The following ZYG11B variants were observed in gnomAD, a reference collection of about 807,000 sequenced individuals.
ZYG11B encodes the protein zyg-11 family member B, cell cycle regulator.
In ZYG11B, 36 loss-of-function variants were observed where a neutral mutation model predicts 82.4. That is an observed-to-expected ratio of 0.44 (90% CI 0.33 to 0.58). ZYG11B has a LOEUF of 0.58. ZYG11B is among the 20% of genes least tolerant of loss of function. The pLI, the probability that ZYG11B is intolerant of heterozygous loss-of-function variation, is 0.02. For synonymous variants in ZYG11B, 303 were observed against 312.8 expected (o/e 0.97, Z 0.33); for missense variants, 552 against 895.6 (o/e 0.62, Z 4.90).
At chr1:52,801,493 T>C (rs1012674653) in intron 8 of ZYG11B, among the ~76,000 whole-genome samples, 7 of 152,132 alleles carry the variant, frequency 4.6e-5, no homozygotes, top group Non-Finnish European at 1.0e-4. Flanking sequence ...GCCCTTCTTT[T>C]CCTTTGCCTT....
At chr1:52,821,264 T>C (rs138820804) in intron 13 of ZYG11B, among the ~76,000 whole-genome samples, 175 bp from the exon 14 acceptor site, 24 of 152,196 alleles carry the variant, frequency 1.6e-4, no homozygotes, top group Non-Finnish European at 2.9e-4. Flanking sequence ...GGCCTTGCAC[T>C]GTAGACGTAA....
intron 2 of ZYG11B, among the ~76,000 whole-genome samples, chr1:52,761,561 C>T (rs979668117): frequency 6.6e-6 from 1 of 152,220 alleles, no homozygotes; most frequent in Admixed American, 6.5e-5. Context: ...TGTATGTACA[C>T]CACATGTTCT....
chr1:52,762,641 C>T (rs560690698), intron 2 of ZYG11B, among the ~76,000 whole-genome samples: 20 of 151,550 alleles, frequency 1.3e-4, no homozygotes, highest in East Asian at 3.9e-4. Context: ...AGTGCAGTGG[C>T]GCCGTTTCAG....
At chr1:52,769,748 C>G (rs947999941) in intron 2 of ZYG11B, among the ~76,000 whole-genome samples, 37 of 152,184 alleles carry the variant, frequency 2.4e-4, no homozygotes, top group African/African-American at 8.9e-4. Context: ...GGCTGGCAGC[C>G]TAGCTGCATT....
chr1:52,785,129 A>G (rs1412867185), intron 5 of ZYG11B, 76 bp downstream of exon 5: 5 of 1,470,030 alleles, frequency 3.4e-6, no homozygotes, highest in Non-Finnish European at 3.7e-6. Flanking sequence ...AGTTTAATAG[A>G]CCAAGGCTGG....
chr1:52,744,958 A>C (rs1476332386), intron 1 of ZYG11B, among the ~76,000 whole-genome samples: 3 of 152,222 alleles, frequency 2.0e-5, no homozygotes, highest in Non-Finnish European at 4.4e-5. Flanking sequence ...ATCAAATGAA[A>C]TCAGGATGTG....
intron 1 of ZYG11B, among the ~76,000 whole-genome samples, chr1:52,743,186 G>A (rs1295440598): frequency 6.6e-6 from 1 of 151,872 alleles, no homozygotes; most frequent in Non-Finnish European, 1.5e-5. Flanking sequence ...GTAGACGTAG[G>A]AGACTCCATT....
At chr1:52,777,038 C>T (rs1423369702) in intron 3 of ZYG11B, among the ~76,000 whole-genome samples, 5 of 151,908 alleles carry the variant, frequency 3.3e-5, no homozygotes, top group East Asian at 3.9e-4. Flanking sequence ...GACGAAATCC[C>T]GTCTCTACTA....
rs1435151717 is a variant in ZYG11B at position 52,803,153 on chromosome 1, TACAC to T, written c.1695+1016_1695+1019del. ...ATATATACACACATATATATATATA[TACAC>T]ATATATATATACACACATATATATA... On this transcript the variant is annotated intron_variant, in intron 10 of 13. Transcript: ENST00000294353. 2.2e-3 allele frequency among the ~76,000 whole-genome samples: 84 copies of T among 38,168 alleles called. 4 individuals carry two copies. Among genetic ancestry groups the T allele is most frequent in the African/African-American group, 0.011 (54 of 5,136 alleles). The allele number at this position is 38,168 out of a possible 152,430, so 25.0% of individuals were successfully genotyped here.
intron 10 of ZYG11B, among the ~76,000 whole-genome samples, chr1:52,807,926 G>A (rs1645154032): frequency 6.6e-6 from 1 of 152,172 alleles, no homozygotes; most frequent in Non-Finnish European, 1.5e-5. Flanking sequence ...CTTTTACCAG[G>A]TATATAATTC....
chr1:52,803,202 A>G (rs1445698389), intron 10 of ZYG11B, among the ~76,000 whole-genome samples: 1 of 82,968 alleles, frequency 1.2e-5, no homozygotes, highest in African/African-American at 1.0e-4. Flanking sequence ...ATATATATAT[A>G]TACACACACA....
rs1645203395 is a variant in ZYG11B, at chr1:52,813,921, T to C, written c.1946+9T>C. 1 of 1,612,902 alleles carries C rather than the reference T, an allele frequency of 6.2e-7. No individual in the cohort carries two copies. On this transcript the variant is annotated intron_variant, in intron 12 of 13. Coordinates refer to ENST00000294353, the MANE Select transcript of ZYG11B (RefSeq NM_024646.3). ...GAGATGGTAGCATACAGGTAATTAG[T>C]ATCATAATTAACAGTAAACCAGCAA...
rs201338350 is a variant in ZYG11B at position 52,789,961 on chromosome 1, T to C, written c.1270-42T>C. On this transcript the variant is annotated intron_variant, in intron 5 of 13. Transcript: ENST00000294353. Reference sequence around the variant, plus strand: ...CTACCATGGTTAAAATATAACAAAGTGATATTTTATTTAGGATTTTTTTCT... The same window carrying C: ...CTACCATGGTTAAAATATAACAAAGCGATATTTTATTTAGGATTTTTTTCT... 1,027 of 1,422,904 alleles carry C rather than the reference T, an allele frequency of 7.2e-4. 1 individual carries two copies. Among genetic ancestry groups the C allele is most frequent in the Non-Finnish European group, 9.0e-4 (934 of 1,038,156 alleles). 88.1% of individuals were successfully genotyped at this position (1,422,904 alleles called of 1,614,324 possible).
intron 5 of ZYG11B, among the ~76,000 whole-genome samples, chr1:52,786,142 T>C (rs1217911688): frequency 6.6e-6 from 1 of 152,220 alleles, no homozygotes; most frequent in Admixed American, 6.5e-5. Context: ...AGAGGATCAA[T>C]AATTCCAAGA....
intron 6 of ZYG11B, among the ~76,000 whole-genome samples, chr1:52,790,773 CTTT>C: frequency 1.3e-5 from 1 of 77,694 alleles, no homozygotes; most frequent in African/African-American, 5.2e-5. Flanking sequence ...GTCCAGTGTT[CTTT>C]TTTTTTTTTT....
At position 52,746,876 on chromosome 1, in the gene ZYG11B, G is replaced by GT. The variant is rs1406644636; in HGVS notation, c.31-9567dup. Among the ~76,000 whole-genome samples the GT allele has an allele frequency of 8.4e-3, 1,081 of 128,206 alleles. 10 individuals carry two copies. Among genetic ancestry groups the GT allele is most frequent in the African/African-American group, 0.026 (899 of 34,766 alleles). 84.1% of individuals were successfully genotyped at this position (128,206 alleles called of 152,430 possible). On this transcript the variant is annotated intron_variant, in intron 1 of 13. Transcript: ENST00000294353. The stretch of plus-strand genomic sequence containing the variant: ...GTTAAATCTGGGATTTATTTTTGGA[G>GT]TTTTTTTTTTTTTTTGGCGGGTAAG...
chr1:52,759,153 A>G (rs2149931492), intron 2 of ZYG11B, among the ~76,000 whole-genome samples: 1 of 152,190 alleles, frequency 6.6e-6, no homozygotes, highest in South Asian at 2.1e-4. Context: ...GTTGATCTTG[A>G]ACTCCTGACC....
Position 52,761,067 on chromosome 1 carries a change from C to T in ZYG11B, c.196+4444C>T, listed in dbSNP as rs754198279. Among the ~76,000 whole-genome samples the T allele has an allele frequency of 3.9e-5, 6 of 152,072 alleles. No individual in the cohort carries two copies. In the South Asian group the frequency reaches 8.3e-4, roughly 21 times the overall value. ...TGTGAACCACTGTGCCTGGTGCTGG[C>T]GTATTTTTAAATTGACATATAATAA... On this transcript the variant is annotated intron_variant, in intron 2 of 13. Coordinates refer to ENST00000294353, the MANE Select transcript of ZYG11B (RefSeq NM_024646.3).
At chr1:52,779,806 TAGAG>T in intron 3 of ZYG11B, 43 bp from the exon 4 acceptor site, 2 of 1,606,686 alleles carry the variant, frequency 1.2e-6, no homozygotes, top group African/African-American at 1.3e-5. Flanking sequence ...GATAATTAGA[TAGAG>T]AAAGAGAGAG....
Sources: gnomAD v4.1 joint callset for allele counts (sites outside exome capture counted in the v4.1 genomes callset) on GRCh38, gnomAD v4.1.1 for gene constraint, MANE v1.5 for transcripts, NCBI Gene and HGNC (gene_info 2026-07-23, HGNC 2026-07-21) for gene names.